Variants in CA10 observed in about 807,000 individuals in gnomAD.
CA10 encodes the protein carbonic anhydrase-related protein 10.
Under a neutral mutation model 44.2 loss-of-function variants are expected in CA10, and 14 were observed. The ratio of observed to expected loss-of-function variants is 0.32; its 90% confidence interval spans 0.21 to 0.50. The LOEUF (loss-of-function observed/expected upper bound fraction) is 0.50, where lower values mean the gene tolerates loss of function less well. CA10 is among the 20% of genes least tolerant of loss of function. The pLI is 0.99. For missense variants in CA10, 350 were observed against 409.7 expected, an observed-to-expected ratio of 0.85 and a Z score of 1.26; for synonymous variants, 159 against 141.6, an observed-to-expected ratio of 1.12 and a Z score of -0.87.
chr17:51,972,074 T>C lies in CA10; in HGVS notation c.137-40942A>G, dbSNP rs1328201083. Among the ~76,000 whole-genome samples the C allele has an allele frequency of 5.9e-5, 9 of 152,148 alleles. No individual in the cohort carries two copies. In the East Asian group the frequency reaches 1.5e-3, roughly 26 times the overall value. On this transcript the variant is annotated intron_variant, in intron 2 of 8. Coordinates refer to ENST00000451037, the MANE Select transcript of CA10 (RefSeq NM_020178.5). ...AAGAAAAAGATATGGGCATATGTAA[T>C]TATATAACAAAATAGAACCAGAAAT...
At chr17:51,680,518 A>G (rs558057570) in intron 4 of CA10, among the ~76,000 whole-genome samples, 1 of 152,332 alleles carries the variant, frequency 6.6e-6, no homozygotes, top group South Asian at 2.1e-4. Flanking sequence ...TTTCTGGGTG[A>G]GCATTTGGAA....
At chr17:51,944,252 A>G (rs1213336118) in intron 2 of CA10, among the ~76,000 whole-genome samples, 1 of 152,156 alleles carries the variant, frequency 6.6e-6, no homozygotes, top group Non-Finnish European at 1.5e-5. Context: ...GGTCCAAATC[A>G]GTGAATATAC....
intron 2 of CA10, among the ~76,000 whole-genome samples, chr17:52,039,509 G>C (rs919301453): frequency 2.0e-5 from 3 of 151,996 alleles, no homozygotes; most frequent in African/African-American, 7.2e-5. Context: ...TGGGCTCCCT[G>C]TGATCATCTC....
intron 3 of CA10, among the ~76,000 whole-genome samples, chr17:51,766,753 G>C (rs548002114): frequency 1.3e-5 from 2 of 152,294 alleles, no homozygotes; most frequent in East Asian, 3.9e-4. Context: ...AGTCAGGAAA[G>C]TAAGGTTGCT....
At chr17:51,768,090 C>A (rs1284655392) in intron 3 of CA10, among the ~76,000 whole-genome samples, 2 of 151,930 alleles carry the variant, frequency 1.3e-5, no homozygotes, top group Non-Finnish European at 2.9e-5. Flanking sequence ...TTATTTGCCA[C>A]AATTTCCTTC....
intron 2 of CA10, among the ~76,000 whole-genome samples, chr17:51,935,898 G>T (rs1233406890): frequency 2.6e-5 from 4 of 152,132 alleles, no homozygotes; most frequent in Non-Finnish European, 5.9e-5. Flanking sequence ...AATCAAGTCC[G>T]ATAAGGAGAG....
chr17:52,117,956 T>C (rs1455555035), intron 1 of CA10, among the ~76,000 whole-genome samples: 1 of 152,230 alleles, frequency 6.6e-6, no homozygotes, highest in Non-Finnish European at 1.5e-5. Flanking sequence ...AGGGGTATTA[T>C]ATGGTTTTAA....
chr17:51,880,621 G>C (rs892575213), intron 3 of CA10, among the ~76,000 whole-genome samples: 2 of 152,044 alleles, frequency 1.3e-5, no homozygotes, highest in African/African-American at 4.8e-5. Flanking sequence ...CTTTTCCGTG[G>C]CAATTATTTT....
At chr17:51,904,393 CA>C (rs1981452134) in intron 3 of CA10, among the ~76,000 whole-genome samples, 1 of 151,992 alleles carries the variant, frequency 6.6e-6, no homozygotes, top group African/African-American at 2.4e-5. Flanking sequence ...TTCTTTTCCT[CA>C]GGCCCAGCTC....
intron 1 of CA10, among the ~76,000 whole-genome samples, chr17:52,133,540 C>T (rs552836362): frequency 2.0e-5 from 3 of 152,234 alleles, no homozygotes; most frequent in African/African-American, 7.2e-5. Flanking sequence ...AAAACAGTTG[C>T]ATATCAGAAA....
chr17:52,066,753 G>A (rs1486028069), intron 2 of CA10, among the ~76,000 whole-genome samples: 2 of 152,176 alleles, frequency 1.3e-5, no homozygotes, highest in East Asian at 1.9e-4. Context: ...TTGGAAACGG[G>A]TATAAAGGTG....
At chr17:51,800,513 A>G (rs1906885821) in intron 3 of CA10, among the ~76,000 whole-genome samples, 1 of 152,200 alleles carries the variant, frequency 6.6e-6, no homozygotes, top group African/African-American at 2.4e-5. Flanking sequence ...CTTCTATAAA[A>G]AAACAAGAAC....
chr17:51,737,534 AATAT>A (rs950429667), intron 4 of CA10, among the ~76,000 whole-genome samples: 1 of 151,718 alleles, frequency 6.6e-6, no homozygotes, highest in African/African-American at 2.4e-5. Context: ...ATTACCCTAT[AATAT>A]ATATATAGAA....
At chr17:51,989,940 CAGAAG>C (rs1984983279) in intron 2 of CA10, among the ~76,000 whole-genome samples, 1 of 152,068 alleles carries the variant, frequency 6.6e-6, no homozygotes, top group Non-Finnish European at 1.5e-5. Context: ...CCACATTTTA[CAGAAG>C]AGAAAACAGA....
intron 2 of CA10, among the ~76,000 whole-genome samples, chr17:52,011,758 C>T (rs1481408955): frequency 6.6e-6 from 1 of 151,946 alleles, no homozygotes; most frequent in Non-Finnish European, 1.5e-5. Context: ...AAACAAGGGT[C>T]TATGAACTGG....
intron 1 of CA10, among the ~76,000 whole-genome samples, chr17:52,155,964 A>G (rs1339733386): frequency 1.3e-5 from 2 of 152,276 alleles, no homozygotes; most frequent in African/African-American, 4.8e-5. Context: ...GGAGGCTAAG[A>G]TCAGACCCTT....
At chr17:51,851,297 AGTT>A (rs1371024897) in intron 3 of CA10, among the ~76,000 whole-genome samples, 1 of 152,202 alleles carries the variant, frequency 6.6e-6, no homozygotes, top group Non-Finnish European at 1.5e-5. Context: ...TGGCCCCTGA[AGTT>A]GTTCAACACA....
intron 3 of CA10, among the ~76,000 whole-genome samples, chr17:51,773,260 T>G (rs1382382409): frequency 1.3e-5 from 2 of 152,202 alleles, no homozygotes; most frequent in East Asian, 3.9e-4. Flanking sequence ...CAACCCTGGT[T>G]ATAGAGGACT....
chr17:51,659,792 G>A (rs1255646733), intron 4 of CA10, among the ~76,000 whole-genome samples: 1 of 152,182 alleles, frequency 6.6e-6, no homozygotes, highest in Non-Finnish European at 1.5e-5. Flanking sequence ...GAGAGATAGT[G>A]GCAGAGGTGG....
Sources: gnomAD v4.1 joint callset for allele counts (sites outside exome capture counted in the v4.1 genomes callset) on GRCh38, gnomAD v4.1.1 for gene constraint, MANE v1.5 for transcripts, NCBI Gene and HGNC (gene_info 2026-07-23, HGNC 2026-07-21) for gene names.